Variants in KCNH8 observed in about 807,000 individuals in gnomAD.
KCNH8 encodes voltage-gated delayed rectifier potassium channel KCNH8.
In KCNH8, 70 loss-of-function variants were observed where a neutral mutation model predicts 103.6. The ratio of observed to expected loss-of-function variants is 0.68; its 90% CI spans 0.56 to 0.82. KCNH8 has a LOEUF of 0.82. Among genes scored for constraint, KCNH8 ranks in the 40% least tolerant of loss-of-function variants. KCNH8 has a pLI of 0.00. For missense variants in KCNH8, 1,217 were observed against 1,329.9 expected (o/e 0.92, Z 1.32); for synonymous variants, 498 against 489.4 (o/e 1.02, Z -0.23).
intron 2 of KCNH8, among the ~76,000 whole-genome samples, chr3:19,262,371 A>G (rs550507551): frequency 7.2e-5 from 11 of 151,896 alleles, no homozygotes; most frequent in Admixed American, 3.3e-4. Context: ...GAGTTTTTTT[A>G]CACTTAGTTA....
intron 2 of KCNH8, among the ~76,000 whole-genome samples, chr3:19,259,913 A>G (rs536129865): frequency 4.1e-4 from 63 of 151,966 alleles, no homozygotes; most frequent in Non-Finnish European, 7.2e-4. Context: ...GTATGAAGCA[A>G]ATCTCAAACT....
Position 19,329,702 on chromosome 3 carries a change from C to T in KCNH8, c.443-12885C>T, listed in dbSNP as rs567685622. Among the ~76,000 whole-genome samples, 11 of 152,062 alleles carry T rather than the reference C, an allele frequency of 7.2e-5. No homozygotes were observed. The South Asian group carries it at 2.3e-3, about 32-fold the overall frequency. ...CAAATTTGGGATAACTTCAAAAATCCCATGGTTGATGTTAGGGATAGCACT... is the reference window on the plus strand; with the variant it reads ...CAAATTTGGGATAACTTCAAAAATCTCATGGTTGATGTTAGGGATAGCACT... On this transcript the variant is annotated intron_variant, in intron 3 of 15. Coordinates refer to ENST00000328405, the MANE Select transcript of KCNH8 (RefSeq NM_144633.3).
intron 11 of KCNH8, among the ~76,000 whole-genome samples, chr3:19,492,563 T>C (rs1400168947): frequency 6.6e-6 from 1 of 152,190 alleles, no homozygotes; most frequent in Non-Finnish European, 1.5e-5. Context: ...CCATGCTGTT[T>C]GGTCATTATA....
intron 5 of KCNH8, among the ~76,000 whole-genome samples, chr3:19,358,384 G>T (rs745544244): frequency 1.3e-5 from 2 of 150,798 alleles, no homozygotes; most frequent in Non-Finnish European, 3.0e-5. Context: ...ACACAATGAA[G>T]ATATTTTCAC....
intron 7 of KCNH8, among the ~76,000 whole-genome samples, chr3:19,417,430 G>A (rs917407565): frequency 2.6e-5 from 4 of 151,494 alleles, no homozygotes; most frequent in African/African-American, 7.3e-5. Context: ...ACTGAATAAG[G>A]TTTAATTACT....
intron 5 of KCNH8, among the ~76,000 whole-genome samples, chr3:19,367,256 G>A (rs1050022781): frequency 2.0e-5 from 3 of 151,576 alleles, no homozygotes; most frequent in Non-Finnish European, 2.9e-5. Context: ...TGAACTCTCT[G>A]TAAAGCCTTC....
At chr3:19,513,501 T>C (rs2068822932) in intron 13 of KCNH8, among the ~76,000 whole-genome samples, 176 bp downstream of exon 13, 1 of 152,184 alleles carries the variant, frequency 6.6e-6, no homozygotes, top group South Asian at 2.1e-4. Context: ...TGTGTGTGCA[T>C]GCAGGATGGG....
chr3:19,294,237 T>TA (rs1432088174), intron 3 of KCNH8, among the ~76,000 whole-genome samples: 1 of 152,150 alleles, frequency 6.6e-6, no homozygotes, highest in Non-Finnish European at 1.5e-5. Context: ...TTATTTGTTA[T>TA]AAAAAATAAA....
At chr3:19,523,648 C>T (rs1012554476) in intron 15 of KCNH8, among the ~76,000 whole-genome samples, 5 of 151,914 alleles carry the variant, frequency 3.3e-5, no homozygotes, top group Middle Eastern at 3.4e-3. Context: ...TCATTTCTGT[C>T]GGTATTTTAT....
intron 6 of KCNH8, among the ~76,000 whole-genome samples, chr3:19,393,245 C>G (rs1357036187): frequency 6.6e-6 from 1 of 152,020 alleles, no homozygotes; most frequent in East Asian, 1.9e-4. Context: ...ATGCTTCTTT[C>G]TCCTGTCATT....
chr3:19,498,283 T>C (rs550131377), intron 11 of KCNH8, among the ~76,000 whole-genome samples: 4 of 152,372 alleles, frequency 2.6e-5, no homozygotes, highest in African/African-American at 7.2e-5. Context: ...TTTTATGTTG[T>C]TAGCTGGCTA....
intron 7 of KCNH8, among the ~76,000 whole-genome samples, chr3:19,409,754 T>C (rs2066747671): frequency 6.6e-6 from 1 of 151,922 alleles, no homozygotes; most frequent in Admixed American, 6.6e-5. Flanking sequence ...GCAACAACAG[T>C]AAAAAATGAC....
chr3:19,186,188 C>T (rs1215821683), intron 1 of KCNH8, among the ~76,000 whole-genome samples: 1 of 151,524 alleles, frequency 6.6e-6, no homozygotes, highest in African/African-American at 2.4e-5. Flanking sequence ...ACTGAATCAC[C>T]TCTCTGATTG....
chr3:19,349,647 C>T (rs765157013), intron 5 of KCNH8, among the ~76,000 whole-genome samples: 13 of 152,108 alleles, frequency 8.5e-5, no homozygotes, highest in Non-Finnish European at 1.2e-4. Context: ...TTAGAAGCCA[C>T]TTCTGTTACC....
intron 3 of KCNH8, among the ~76,000 whole-genome samples, chr3:19,331,120 G>A (rs756084175): frequency 8.6e-5 from 13 of 151,710 alleles, no homozygotes; most frequent in African/African-American, 1.2e-4. Context: ...TCTAATACTG[G>A]GGGGAAGTTT....
At chr3:19,241,715 C>CACAG (rs2064143662) in intron 1 of KCNH8, among the ~76,000 whole-genome samples, 1 of 125,660 alleles carries the variant, frequency 8.0e-6, no homozygotes, top group African/African-American at 3.0e-5. Context: ...TATAAAAATA[C>CACAG]ACACACAGAC....
chr3:19,451,326 G>A lies in KCNH8; in HGVS notation c.1747G>A (p.Asp583Asn). The change falls in exon 10 of 16, where the codon GAT becomes AAT. Residue 583 changes from aspartate (D) to asparagine (N), a missense_variant. Coordinates refer to ENST00000328405, the MANE Select transcript of KCNH8 (RefSeq NM_144633.3). ...GGGGGAGTATCTGCTGCGTCAAGGG[G>A]ATGCTTTGCAGGCCATCTACTTTGT... ...APGEYLLRQGDALQAIYFVCS... is the reference protein window; with the variant it reads ...APGEYLLRQGNALQAIYFVCS... The A allele has an allele frequency of 6.2e-7, 1 of 1,613,866 alleles. No homozygotes were observed. Among genetic ancestry groups the A allele is most frequent in the Non-Finnish European group, 8.5e-7 (1 of 1,179,838 alleles).
intron 1 of KCNH8, among the ~76,000 whole-genome samples, chr3:19,199,678 C>A (rs1223261229): frequency 1.3e-5 from 2 of 150,794 alleles, no homozygotes; most frequent in Non-Finnish European, 3.0e-5. Flanking sequence ...CAATGAGTAC[C>A]TAAATTTTCT....
chr3:19,470,093 G>T (rs957176116), intron 11 of KCNH8, among the ~76,000 whole-genome samples: 1 of 152,060 alleles, frequency 6.6e-6, no homozygotes, highest in African/African-American at 2.4e-5. Flanking sequence ...TTTTAGGATA[G>T]AACTAGTGTG....
Sources: allele counts gnomAD v4.1 joint callset (sites outside exome capture counted in the v4.1 genomes callset), GRCh38; gene constraint gnomAD v4.1.1; transcripts MANE v1.5; gene names NCBI Gene and HGNC (gene_info 2026-07-23, HGNC 2026-07-21).